The following HDAC9 variants were observed in gnomAD, a reference collection of about 807,000 sequenced individuals.
HDAC9 encodes the protein MEF-2 interacting transcription repressor (MITR) protein.
In HDAC9, 41 loss-of-function variants were observed where a neutral mutation model predicts 139.4. The observed-to-expected ratio is 0.29, with a 90% CI of 0.23 to 0.38. The LOEUF (loss-of-function observed/expected upper bound fraction) is 0.38. Ranked by LOEUF, HDAC9 falls within the 10% of genes least tolerant of loss-of-function variation. HDAC9 has a pLI of 1.00. For synonymous variants in HDAC9, 517 were observed against 476.2 expected, an observed-to-expected ratio of 1.09 and a Z score of -1.12; for missense variants, 1,147 against 1,297.0, an observed-to-expected ratio of 0.88 and a Z score of 1.78.
At chr7:18,595,041 AAC>A (rs1832089633) in intron 6 of HDAC9, among the ~76,000 whole-genome samples, 1 of 152,090 alleles carries the variant, frequency 6.6e-6, no homozygotes. Flanking sequence ...AGATTGTAAA[AAC>A]ACATGCCGAA....
intron 1 of HDAC9, among the ~76,000 whole-genome samples, chr7:18,445,138 A>T (rs908641764): frequency 2.0e-5 from 3 of 152,190 alleles, no homozygotes; most frequent in Admixed American, 2.0e-4. Context: ...AGCTGCAGAA[A>T]ATTGAATTAC....
chr7:18,610,394 A>T (rs1460019700), intron 6 of HDAC9, among the ~76,000 whole-genome samples: 2 of 152,044 alleles, frequency 1.3e-5, no homozygotes, highest in East Asian at 3.9e-4. Context: ...TCTCCCTCCA[A>T]ATTTTGACAA....
chr7:18,946,627 A>G (rs1782423023), intron 23 of HDAC9, among the ~76,000 whole-genome samples: 1 of 152,132 alleles, frequency 6.6e-6, no homozygotes, highest in South Asian at 2.1e-4. Flanking sequence ...AACAATTCAA[A>G]CTTTTTGTGT....
In HDAC9 at chr7:18,594,049, ACT is replaced by A. The variant is rs1562499385; in HGVS notation, c.664+23_664+24del. ...AAACTGGTAAGTTGGTTTAACAGGA[ACT>A]CTGTTTGCTCTTCTGTAACACACCT... On this transcript the variant is annotated intron_variant, in intron 6 of 25. Coordinates refer to ENST00000686413, the MANE Select transcript of HDAC9 (RefSeq NM_178425.4). 2 of 1,611,126 alleles carry A rather than the reference ACT, an allele frequency of 1.2e-6. No homozygotes were observed. Among genetic ancestry groups the A allele is most frequent in the Admixed American group, 1.7e-5 (1 of 59,778 alleles).
At chr7:18,586,540 A>G (rs574580967) in intron 3 of HDAC9, among the ~76,000 whole-genome samples, 20 of 152,254 alleles carry the variant, frequency 1.3e-4, no homozygotes, top group African/African-American at 3.1e-4. Flanking sequence ...GAGGGTTGAT[A>G]CAGATAACTG....
rs938121353 is a variant in HDAC9 at position 18,658,790 on chromosome 7, T to G, written c.1468-7423T>G. 3.3e-5 allele frequency among the ~76,000 whole-genome samples: 5 copies of G among 151,994 alleles called. No individual in the cohort carries two copies. In the South Asian group the frequency reaches 1.0e-3, roughly 32 times the overall value. On this transcript the variant is annotated intron_variant, in intron 11 of 25. Coordinates refer to ENST00000686413, the MANE Select transcript of HDAC9 (RefSeq NM_178425.4). ...GGTCCATACCTAATCTATTTGTGAA[T>G]TCAAACAGAATTTTATCATTATTTT...
intron 2 of HDAC9, chr7:18,518,146 G>A (rs967363946): frequency 2.6e-5 from 4 of 152,118 alleles, no homozygotes; most frequent in East Asian, 3.9e-4. Flanking sequence ...TCACACACTC[G>A]TGCATTTATT....
At chr7:18,648,986 G>A (rs1788339774) in intron 11 of HDAC9, among the ~76,000 whole-genome samples, 1 of 152,284 alleles carries the variant, frequency 6.6e-6, no homozygotes, top group African/African-American at 2.4e-5. Flanking sequence ...TCATTTTTTA[G>A]TGTTGCAGAA....
At chr7:18,544,207 G>C (rs1321465425) in intron 2 of HDAC9, among the ~76,000 whole-genome samples, 3 of 152,178 alleles carry the variant, frequency 2.0e-5, no homozygotes, top group African/African-American at 7.2e-5. Context: ...GAGGTGGGGA[G>C]AAGTTATCAG....
intron 12 of HDAC9, among the ~76,000 whole-genome samples, chr7:18,675,711 G>A (rs142548601): frequency 1.4e-3 from 211 of 152,050 alleles, no homozygotes; most frequent in African/African-American, 4.8e-3. Flanking sequence ...TACGGCCCAG[G>A]TCACTGCAGG....
intron 22 of HDAC9, among the ~76,000 whole-genome samples, chr7:18,875,936 G>T (rs10237366): frequency 1.3e-5 from 2 of 151,834 alleles, no homozygotes; most frequent in Non-Finnish European, 2.9e-5. Context: ...AAGGAACTCT[G>T]GAAAAGTTGT....
chr7:18,809,929 T>G (rs1251879990), intron 17 of HDAC9, among the ~76,000 whole-genome samples: 1 of 151,984 alleles, frequency 6.6e-6, no homozygotes, highest in East Asian at 1.9e-4. Flanking sequence ...TCATGCTCTT[T>G]GAAGCATTAC....
intron 1 of HDAC9, chr7:18,087,238 C>T (rs1781849340): frequency 6.6e-6 from 1 of 152,336 alleles, no homozygotes; most frequent in Admixed American, 6.5e-5. Flanking sequence ...GGCAGAGTCC[C>T]CGGCTGGTGC....
chr7:18,366,044 C>A (rs1784154138), intron 1 of HDAC9, among the ~76,000 whole-genome samples: 1 of 151,120 alleles, frequency 6.6e-6, no homozygotes, highest in Admixed American at 6.6e-5. Flanking sequence ...GTTGAAAAAT[C>A]AAATGGCAGG....
At chr7:18,374,343 G>A (rs902438877) in intron 1 of HDAC9, among the ~76,000 whole-genome samples, 57 of 151,874 alleles carry the variant, frequency 3.8e-4, no homozygotes, top group African/African-American at 1.3e-3. Context: ...ACTGGGATAG[G>A]TTCTGATAAA....
upstream of HDAC9, among the ~76,000 whole-genome samples, chr7:18,493,745 T>TA (rs1322312512): frequency 6.6e-6 from 1 of 151,624 alleles, no homozygotes; most frequent in Non-Finnish European, 1.5e-5. Context: ...TACCGCAATT[T>TA]AAAAAATGTT....
chr7:18,702,645 A>G (rs1783581708), intron 12 of HDAC9, among the ~76,000 whole-genome samples: 1 of 152,124 alleles, frequency 6.6e-6, no homozygotes, highest in Non-Finnish European at 1.5e-5. Context: ...GTATCTGGGT[A>G]ACTTCATGGG....
At chr7:18,778,039 G>T (rs1420914144) in intron 16 of HDAC9, among the ~76,000 whole-genome samples, 22 of 151,860 alleles carry the variant, frequency 1.4e-4, no homozygotes, top group Admixed American at 1.4e-3. Context: ...TGAGTATCTT[G>T]TTCAGGTCAT....
At chr7:18,856,163 G>A (rs993631856) in intron 21 of HDAC9, among the ~76,000 whole-genome samples, 5 of 152,102 alleles carry the variant, frequency 3.3e-5, no homozygotes, top group African/African-American at 1.2e-4. Context: ...GGTCCTGAGA[G>A]ATACGGCATC....
Sources: allele counts gnomAD v4.1 joint callset (sites outside exome capture counted in the v4.1 genomes callset), GRCh38; gene constraint gnomAD v4.1.1; transcripts MANE v1.5; gene names NCBI Gene and HGNC (gene_info 2026-07-23, HGNC 2026-07-21).